Variants in SAMD5 observed in about 807,000 individuals in gnomAD.
SAMD5 encodes the protein sterile alpha motif domain containing 5, also known as sterile alpha motif domain-containing protein 5.
SAMD5 carries 13 observed loss-of-function variants against 11.3 expected under a neutral mutation model. The ratio of observed to expected loss-of-function variants is 1.15; its 90% CI spans 0.75 to 1.83. The LOEUF (loss-of-function observed/expected upper bound fraction) is 1.83, where lower values mean the gene tolerates loss of function less well. Among genes scored for constraint, SAMD5 ranks in the 40% most tolerant of loss-of-function variants. The pLI, the probability that SAMD5 is intolerant of heterozygous loss-of-function variation, is 0.00. For synonymous variants in SAMD5, 129 were observed against 111.3 expected, an observed-to-expected ratio of 1.16 and a Z score of -1.00; for missense variants, 255 against 239.1, an observed-to-expected ratio of 1.07 and a Z score of -0.44.
chr6:147,602,178 T>G (rs1789627102), intron 1 of SAMD5, among the ~76,000 whole-genome samples: 1 of 152,186 alleles, frequency 6.6e-6, no homozygotes, highest in African/African-American at 2.4e-5. Flanking sequence ...CTCTCACTTC[T>G]TAGATATCTT....
At chr6:147,715,526 T>C (rs1056470919) in intron 1 of SAMD5, among the ~76,000 whole-genome samples, 1 of 141,074 alleles carries the variant, frequency 7.1e-6, no homozygotes, top group Non-Finnish European at 1.5e-5. Context: ...AGGGAGCTCC[T>C]AGGTCTGGGT....
At chr6:147,854,255 T>G in the SAMD5 span, among the ~76,000 whole-genome samples, 1 of 152,092 alleles carries the variant, frequency 6.6e-6, no homozygotes, top group East Asian at 1.9e-4. Flanking sequence ...CAACTGTTCT[T>G]GGGCAGGTAA....
At chr6:147,912,170 TACTCTAAG>T in the SAMD5 span, among the ~76,000 whole-genome samples, 1 of 152,176 alleles carries the variant, frequency 6.6e-6, no homozygotes, top group Non-Finnish European at 1.5e-5. Context: ...TAAGTAAGCT[TACTCTAAG>T]AAGCACAAAT....
In SAMD5 at chr6:147,583,296, A is replaced by G. The variant is rs543219563; in HGVS notation, c.162+73909A>G. On this transcript the variant is annotated intron_variant, in intron 1 of 1. Transcript: ENST00000566741. ...GTATCTGATCTAATCAGTAAGCCTC[A>G]ATGAACTAAAATTTAAACACACAGC... is the stretch of plus-strand genomic sequence containing the variant. Among the ~76,000 whole-genome samples, 7 of 152,368 alleles carry G rather than the reference A, an allele frequency of 4.6e-5. No homozygotes were observed. In the South Asian group the frequency reaches 1.4e-3, roughly 32 times the overall value.
intron 1 of SAMD5, among the ~76,000 whole-genome samples, chr6:147,626,384 T>G (rs1280744554): frequency 6.6e-6 from 1 of 152,146 alleles, no homozygotes; most frequent in Admixed American, 6.5e-5. Context: ...CTTTCCTTTT[T>G]TTTTTCAAGG....
At chr6:147,690,456 T>C (rs1562352505) in intron 1 of SAMD5, among the ~76,000 whole-genome samples, 1 of 151,946 alleles carries the variant, frequency 6.6e-6, no homozygotes, top group Admixed American at 6.6e-5. Context: ...GGTCAGGAGT[T>C]CAAGAAAAGC....
the SAMD5 span, among the ~76,000 whole-genome samples, chr6:147,811,407 A>G: frequency 1.3e-5 from 2 of 152,258 alleles, no homozygotes; most frequent in African/African-American, 2.4e-5. Flanking sequence ...TTCTGAGGTC[A>G]CATCATTACA....
intron 1 of SAMD5, among the ~76,000 whole-genome samples, chr6:147,717,162 A>G (rs1791480385): frequency 6.6e-6 from 1 of 152,362 alleles, no homozygotes; most frequent in South Asian, 2.1e-4. Context: ...TAGCCTATAC[A>G]GTACCTAGGC....
intron 1 of SAMD5, among the ~76,000 whole-genome samples, chr6:147,691,728 A>C (rs1381605145): frequency 6.6e-6 from 1 of 152,090 alleles, no homozygotes; most frequent in East Asian, 1.9e-4. Context: ...ATATTTTTTG[A>C]CTTGCTTATT....
the SAMD5 span, among the ~76,000 whole-genome samples, chr6:147,943,268 G>A: frequency 6.6e-6 from 1 of 152,136 alleles, no homozygotes; most frequent in Non-Finnish European, 1.5e-5. Context: ...GCCAAATGTT[G>A]TTCCTTGGAA....
In SAMD5 at chr6:147,616,273, AT is replaced by A. The variant is rs1226437859; in HGVS notation, c.162+106889del. On this transcript the variant is annotated intron_variant, in intron 1 of 1. Transcript: ENST00000566741. ...ATTTATTCATATATATTTCATATATATTTATTCATATATACTTCATATATAT... is the reference window on the plus strand; with the variant it reads ...ATTTATTCATATATATTTCATATATATTATTCATATATACTTCATATATAT... 1.6e-3 allele frequency among the ~76,000 whole-genome samples: 222 copies of A among 138,986 alleles called. 16 individuals are homozygous for A. Among genetic ancestry groups the A allele is most frequent in the African/African-American group, 6.3e-3 (206 of 32,766 alleles). 91.2% of individuals were successfully genotyped at this position (138,986 alleles called of 152,430 possible).
chr6:147,772,348 A>G, the SAMD5 span, among the ~76,000 whole-genome samples: 1 of 152,124 alleles, frequency 6.6e-6, no homozygotes, highest in Non-Finnish European at 1.5e-5. Flanking sequence ...AAGAAACTCC[A>G]TCCTAGATGG....
chr6:147,693,548 CAG>C, intron 1 of SAMD5, among the ~76,000 whole-genome samples: 1 of 152,312 alleles, frequency 6.6e-6, no homozygotes, highest in East Asian at 1.9e-4. Context: ...CTATTTATAA[CAG>C]GGAATAATGA....
intron 1 of SAMD5, among the ~76,000 whole-genome samples, chr6:147,548,064 A>G (rs111902118): frequency 6.6e-6 from 1 of 152,206 alleles, no homozygotes; most frequent in African/African-American, 2.4e-5. Flanking sequence ...TTTTCAAATT[A>G]AGAACAGCAC....
chr6:147,757,411 A>G, the SAMD5 span, among the ~76,000 whole-genome samples: 44 of 152,264 alleles, frequency 2.9e-4, no homozygotes, highest in Non-Finnish European at 2.6e-4. Flanking sequence ...ATGAGTATAA[A>G]TACTCACAGA....
chr6:147,918,462 T>C, the SAMD5 span, among the ~76,000 whole-genome samples: 4 of 152,076 alleles, frequency 2.6e-5, no homozygotes. Flanking sequence ...CTCTCACCAC[T>C]CCTATTCAAC....
At chr6:147,715,825 G>C (rs1435806791) in intron 1 of SAMD5, among the ~76,000 whole-genome samples, 1 of 152,124 alleles carries the variant, frequency 6.6e-6, no homozygotes. Context: ...TTCAGCAGAG[G>C]AGAACCTGGA....
chr6:147,815,745 A>G, the SAMD5 span, among the ~76,000 whole-genome samples: 2 of 151,990 alleles, frequency 1.3e-5, no homozygotes, highest in African/African-American at 4.8e-5. Flanking sequence ...AATGTCCCAG[A>G]TGGAAATATT....
the SAMD5 span, among the ~76,000 whole-genome samples, chr6:147,830,785 G>A: frequency 1.3e-5 from 2 of 152,264 alleles, no homozygotes; most frequent in Admixed American, 1.3e-4. Flanking sequence ...CTTCACTAAT[G>A]CAGGATTTTC....
Sources: gnomAD v4.1 joint callset for allele counts (sites outside exome capture counted in the v4.1 genomes callset) on GRCh38, gnomAD v4.1.1 for gene constraint, MANE v1.5 for transcripts, NCBI Gene and HGNC (gene_info 2026-07-23, HGNC 2026-07-21) for gene names.